Variants in CDC27 observed in about 807,000 individuals in gnomAD.
CDC27 encodes the protein cell division cycle protein 27 homolog.
Under a neutral mutation model 109.7 loss-of-function variants are expected in CDC27, and 27 were observed. That is an observed-to-expected ratio of 0.25 (90% CI 0.18 to 0.34). CDC27 has a LOEUF of 0.34. CDC27 is among the 10% of genes least tolerant of loss of function. The pLI is 1.00. For synonymous variants in CDC27, 266 were observed against 333.9 expected, an observed-to-expected ratio of 0.80 and a Z score of 2.22; for missense variants, 579 against 960.2, an observed-to-expected ratio of 0.60 and a Z score of 5.25.
intron 4 of CDC27, among the ~76,000 whole-genome samples, chr17:47,167,101 C>T (rs1431015591): frequency 6.6e-6 from 1 of 152,180 alleles, no homozygotes; most frequent in East Asian, 1.9e-4. Flanking sequence ...GTGATCCACC[C>T]ACCTTGGCCT....
intron 2 of CDC27, among the ~76,000 whole-genome samples, chr17:47,173,921 C>T (rs1175590778): frequency 2.0e-5 from 3 of 152,112 alleles, no homozygotes; most frequent in South Asian, 4.1e-4. Context: ...GGCGAAACCC[C>T]GTCTTCTACT....
intron 2 of CDC27, among the ~76,000 whole-genome samples, chr17:47,175,029 A>C (rs1457594976): frequency 2.1e-5 from 3 of 143,700 alleles, no homozygotes; most frequent in Non-Finnish European, 4.6e-5. Flanking sequence ...GAAAGAGAGA[A>C]AGAGAGAGAG....
chr17:47,189,225 C>T lies in CDC27; in HGVS notation c.-53G>A. 3.4e-6 allele frequency: 5 copies of T among 1,473,694 alleles called. No homozygotes were observed. The highest frequency in any genetic ancestry group is 4.5e-5 in the East Asian group (2 of 44,248). The allele number at this position is 1,473,694 out of a possible 1,614,324, so 91.3% of individuals were successfully genotyped here. A position where few individuals can be genotyped will look rare whatever the true frequency, so the allele number is the denominator to read the frequency against. On this transcript the variant is annotated 5_prime_UTR_variant, in exon 1 of 19. Coordinates refer to ENST00000066544, the MANE Select transcript of CDC27 (RefSeq NM_001256.6). ...GTGCCTCAGGCCCCCCCTGTAGCGG[C>T]TCCGGCCCGGCCAGCCCCTGCTCAT...
chr17:47,175,461 T>G lies in CDC27; in HGVS notation c.104-3397A>C, dbSNP rs115376036. On this transcript the variant is annotated intron_variant, in intron 2 of 18. Coordinates refer to ENST00000066544, the MANE Select transcript of CDC27 (RefSeq NM_001256.6). ...GCTACCCTGTCATGAACTCTGATGTTGTGTGAATTTAAGGGCATAGAACCT... is the reference window on the plus strand; with the variant it reads ...GCTACCCTGTCATGAACTCTGATGTGGTGTGAATTTAAGGGCATAGAACCT... Among the ~76,000 whole-genome samples, 1,386 of 152,198 alleles carry G rather than the reference T, an allele frequency of 9.1e-3. 22 individuals carry two copies. The highest frequency in any genetic ancestry group is 0.032 in the African/African-American group (1,313 of 41,514).
At chr17:47,171,842 A>T in intron 3 of CDC27, 75 bp downstream of exon 3, 1 of 975,634 alleles carries the variant, frequency 1.0e-6, no homozygotes. Flanking sequence ...ATCAGAGTTT[A>T]ATCTGAAAGG....
intron 4 of CDC27, among the ~76,000 whole-genome samples, chr17:47,168,915 G>C (rs2063728051): frequency 6.6e-6 from 1 of 151,824 alleles, no homozygotes; most frequent in Non-Finnish European, 1.5e-5. Flanking sequence ...TCCCACGGGG[G>C]AGAAGTGACA....
At chr17:47,128,801 C>G (rs1280395244) in intron 16 of CDC27, among the ~76,000 whole-genome samples, 1 of 143,524 alleles carries the variant, frequency 7.0e-6, no homozygotes, top group African/African-American at 2.6e-5. Context: ...GATGAAGTCT[C>G]GCTCTGTCGC....
At chr17:47,175,118 G>A (rs991116145) in intron 2 of CDC27, among the ~76,000 whole-genome samples, 11 of 151,674 alleles carry the variant, frequency 7.3e-5, no homozygotes, top group Non-Finnish European at 1.6e-4. Context: ...CAGCACTACT[G>A]AAGTTCCTCT....
At chr17:47,124,967 G>C (rs2062089570) in intron 16 of CDC27, among the ~76,000 whole-genome samples, 1 of 152,036 alleles carries the variant, frequency 6.6e-6, no homozygotes, top group African/African-American at 2.4e-5. Flanking sequence ...ACCCAGGCTG[G>C]AGTGCAGTGG....
chr17:47,156,203 A>G (rs985966798), intron 7 of CDC27, among the ~76,000 whole-genome samples: 1 of 151,986 alleles, frequency 6.6e-6, no homozygotes, highest in Non-Finnish European at 1.5e-5. Flanking sequence ...CAGTGACACC[A>G]TCTCGGCTCA....
rs1196020831 is a variant in CDC27, at chr17:47,120,663, G to T, written c.*272C>A. The T allele has an allele frequency of 3.1e-6, 1 of 325,498 alleles. No homozygotes were observed. Among genetic ancestry groups the T allele is most frequent in the East Asian group, 4.9e-5 (1 of 20,464 alleles). The allele number at this position is 325,498 out of a possible 1,614,324, so 20.2% of individuals were successfully genotyped here. On this transcript the variant is annotated 3_prime_UTR_variant, in exon 19 of 19. Transcript: ENST00000066544. ...CCTTTCATGATACTTTCCAACAAAG[G>T]GAGATTAAAGAAAAACAGAAAAGAA...
At chr17:47,126,202 TTTTC>T (rs2062134766) in intron 16 of CDC27, among the ~76,000 whole-genome samples, 1 of 152,200 alleles carries the variant, frequency 6.6e-6, no homozygotes, top group African/African-American at 2.4e-5. Flanking sequence ...AATCATTAAC[TTTTC>T]TTTCTTTTTT....
intron 4 of CDC27, among the ~76,000 whole-genome samples, chr17:47,166,893 C>T (rs1345026897): frequency 2.0e-5 from 3 of 152,174 alleles, no homozygotes; most frequent in Non-Finnish European, 4.4e-5. Flanking sequence ...CTCACTCTGT[C>T]ACCCAGGTTG....
At chr17:47,171,765 TGCCATAG>T (rs2063817759) in intron 3 of CDC27, 145 bp downstream of exon 3, 1 of 561,920 alleles carries the variant, frequency 1.8e-6, no homozygotes, top group Non-Finnish European at 3.0e-6. Flanking sequence ...ATATAAATAA[TGCCATAG>T]GCAACAGTGT....
rs923988171 is a variant in CDC27, at chr17:47,119,043, C to T, written c.*1892G>A. On this transcript the variant is annotated 3_prime_UTR_variant, in exon 19 of 19. Coordinates refer to ENST00000066544, the MANE Select transcript of CDC27 (RefSeq NM_001256.6). ...TTTCTCCAGGCTTTATAACGCAGAA[C>T]TCAGGTTGAAGCTTTCTATAAAACT... The T allele has an allele frequency of 6.6e-6, 1 of 152,182 alleles. No individual in the cohort carries two copies. Among genetic ancestry groups the T allele is most frequent in the Non-Finnish European group, 1.5e-5 (1 of 68,022 alleles). 9.4% of individuals were successfully genotyped at this position (152,182 alleles called of 1,614,324 possible). A position where few individuals can be genotyped will look rare whatever the true frequency, so the allele number is the denominator to read the frequency against.
rs555021515 is a variant in CDC27, at chr17:47,166,141, T to C, written c.377+3776A>G. The stretch of plus-strand genomic sequence containing the variant: ...CATGTATTCTTAAGGAATAGTGGCC[T>C]ATAGTTTTCCTTTTTAGAACAGTAT... On this transcript the variant is annotated intron_variant, in intron 4 of 18. Transcript: ENST00000066544. Among the ~76,000 whole-genome samples, 4 of 152,334 alleles carry C rather than the reference T, an allele frequency of 2.6e-5. No homozygotes were observed. The East Asian group carries it at 7.7e-4, about 29-fold the overall frequency.
intron 11 of CDC27, 67 bp downstream of exon 11, chr17:47,142,162 T>C (rs988405733): frequency 2.6e-6 from 3 of 1,161,406 alleles, no homozygotes; most frequent in African/African-American, 3.2e-5. Context: ...GTAATGAACA[T>C]AAAGAAATTT....
intron 10 of CDC27, among the ~76,000 whole-genome samples, chr17:47,143,678 T>A (rs11570518): frequency 1.1e-4 from 16 of 152,030 alleles, no homozygotes; most frequent in South Asian, 2.1e-4. Flanking sequence ...AGAAAAAAAA[T>A]TTTTTAATTA....
At chr17:47,127,419 T>A (rs2062177726) in intron 16 of CDC27, among the ~76,000 whole-genome samples, 1 of 152,194 alleles carries the variant, frequency 6.6e-6, no homozygotes, top group Admixed American at 6.5e-5. Flanking sequence ...CGTTTTTTTT[T>A]GAGATGGAGT....
Sources: allele counts gnomAD v4.1 joint callset (sites outside exome capture counted in the v4.1 genomes callset), GRCh38; gene constraint gnomAD v4.1.1; transcripts MANE v1.5; gene names NCBI Gene and HGNC (gene_info 2026-07-23, HGNC 2026-07-21).